Variants in PLPPR3 observed in about 807,000 individuals in gnomAD.
PLPPR3 encodes phospholipid phosphatase related 3.
In PLPPR3, 14 loss-of-function variants were observed where a neutral mutation model predicts 27.3. That is an observed-to-expected ratio of 0.51 (90% CI 0.34 to 0.80). The LOEUF (loss-of-function observed/expected upper bound fraction) is 0.80, where lower values mean the gene tolerates loss of function less well. PLPPR3 is among the 30% of genes least tolerant of loss of function. PLPPR3 has a pLI of 0.01. For missense variants in PLPPR3, 1,287 were observed against 1,056.9 expected (o/e 1.22, Z -3.02); for synonymous variants, 671 against 508.0 (o/e 1.32, Z -4.32).
In PLPPR3 at chr19:813,432, A is replaced by G. The variant is rs1397027143; in HGVS notation, c.1295T>C (p.Leu432Pro). Residue 432 changes from leucine (L) to proline (P), a missense_variant, in exon 8 of 8, where the codon CTG (leucine) becomes CCG (proline). Leu to Pro is a moderately conservative substitution (Grantham distance 98, BLOSUM62 -3). Coordinates refer to ENST00000520876, the MANE Select transcript of PLPPR3 (RefSeq NM_001270366.2). The surrounding 1 kb of genome is among the most constrained non-coding windows in gnomAD (Gnocchi z 4.1). Reference protein sequence around the residue: ...GLPDDASPGHLRAPAEPMAEE... With the variant: ...GLPDDASPGHPRAPAEPMAEE... ...CGCCATGGGTTCGGCGGGCGCGCGC[A>G]GGTGCCCGGGGCTGGCGTCGTCGGG... is the stretch of plus-strand genomic sequence containing the variant. 2 of 1,512,622 alleles carry G rather than the reference A, an allele frequency of 1.3e-6. No individual in the cohort carries two copies. The highest frequency in any genetic ancestry group is 4.4e-5 in the Admixed American group (2 of 45,716). 93.7% of individuals were successfully genotyped at this position (1,512,622 alleles called of 1,614,324 possible). A position where few individuals can be genotyped will look rare whatever the true frequency, so the allele number is the denominator to read the frequency against.
rs752141300 is a variant in PLPPR3 at position 815,171 on chromosome 19, C to T, written c.403+15G>A. On this transcript the variant is annotated intron_variant, in intron 4 of 7. Transcript: ENST00000520876. ...GTGGAGGTAGCTCAGGGTCGGGGCG[C>T]GTCCCGCAACTCACCCACAAACCGC... The T allele has an allele frequency of 1.8e-4, 286 of 1,602,244 alleles. 1 individual carries two copies. Among genetic ancestry groups the T allele is most frequent in the Middle Eastern group, 1.6e-4 (1 of 6,080 alleles).
At chr19:817,947 G>C (rs1483700830) in intron 2 of PLPPR3, among the ~76,000 whole-genome samples, 1 of 152,194 alleles carries the variant, frequency 6.6e-6, no homozygotes, top group Non-Finnish European at 1.5e-5. Context: ...CTCAGGTGGA[G>C]ATGAGTCAAT....
intron 2 of PLPPR3, among the ~76,000 whole-genome samples, chr19:819,690 C>T (rs1278046551): frequency 1.3e-5 from 2 of 152,044 alleles, no homozygotes; most frequent in South Asian, 2.1e-4. Flanking sequence ...CCCACTTGCC[C>T]GGGTGTGAGG....
chr19:819,720 C>T (rs766809015), intron 2 of PLPPR3, among the ~76,000 whole-genome samples: 5 of 152,182 alleles, frequency 3.3e-5, no homozygotes, highest in African/African-American at 7.2e-5. Context: ...ACAGGCCAGC[C>T]GCTGGCCGTG....
rs1427722642 is a variant in PLPPR3, at chr19:815,047, C to T, written c.438G>A (p.Leu146=). The change falls in exon 5 of 8, where the codon CTG becomes CTA. Residue 146 remains leucine, a synonymous_variant. Coordinates refer to ENST00000520876, the MANE Select transcript of PLPPR3 (RefSeq NM_001270366.2). The part of the protein sequence containing the change: ...VHVFGLCATA[L]VTDVIQLATG... Reference sequence around the variant, plus strand: ...TGGCCAGCTGGATCACGTCCGTCACCAGGGCTGTGGCACACAGGCCGAACA... The same window carrying T: ...TGGCCAGCTGGATCACGTCCGTCACTAGGGCTGTGGCACACAGGCCGAACA... 3 of 1,608,444 alleles carry T rather than the reference C, an allele frequency of 1.9e-6. No individual in the cohort carries two copies. The highest frequency in any genetic ancestry group is 2.5e-6 in the Non-Finnish European group (3 of 1,179,908).
intron 7 of PLPPR3, 74 bp downstream of exon 7, chr19:814,360 C>G: frequency 1.4e-6 from 2 of 1,438,680 alleles, no homozygotes; most frequent in South Asian, 2.7e-5. Flanking sequence ...CACTCAGGCC[C>G]TGTGGGCACT....
Position 814,513 on chromosome 19 carries a change from G to A in PLPPR3, c.752C>T (p.Thr251Met), listed in dbSNP as rs780246897. ...FAIAAGVCGL[T>M]QITQYRSHPV... ...GTGGCTGCGGTACTGCGTGATCTGC[G>A]TGAGCCCGCATACGCCCGCGGCGAT... Residue 251 changes from threonine to methionine, a missense_variant, in exon 7 of 8, where the codon ACG (threonine) becomes ATG (methionine). By Grantham distance (81) the Thr-to-Met change is moderately conservative. Transcript: ENST00000520876. 1.2e-6 allele frequency: 2 copies of A among 1,611,298 alleles called. No individual in the cohort carries two copies. Among genetic ancestry groups the A allele is most frequent in the South Asian group, 1.1e-5 (1 of 91,076 alleles).
rs537835428 is a variant in PLPPR3 at position 813,755 on chromosome 19, G to A, written c.972C>T (p.Asp324=). 89 of 1,527,144 alleles carry A rather than the reference G, an allele frequency of 5.8e-5. No individual in the cohort carries two copies. The African/African-American group carries it at 7.0e-4, about 12-fold the overall frequency. The allele number at this position is 1,527,144 out of a possible 1,614,324, so 94.6% of individuals were successfully genotyped here. A position where few individuals can be genotyped will look rare whatever the true frequency, so the allele number is the denominator to read the frequency against. Residue 324 remains aspartate (D), a synonymous_variant, in exon 8 of 8, where the codon GAC becomes GAT. Transcript: ENST00000520876. This position sits in a 1 kb window ranked among gnomAD's most constrained non-coding sequence, Gnocchi z 4.1. ...CCAGCCGCCCTGGGGGCCCCAGCTCGTCGGTGCTCACCGACTTATTCTGCT... is the reference window on the plus strand; with the variant it reads ...CCAGCCGCCCTGGGGGCCCCAGCTCATCGGTGCTCACCGACTTATTCTGCT... ...VYQQNKSVST[D]ELGPPGRLEG...
In PLPPR3 at chr19:821,602, G is replaced by C; in HGVS notation, c.-26-17C>G. 7.0e-7 allele frequency: 1 copy of C among 1,419,680 alleles called. No homozygotes were observed. The highest frequency in any genetic ancestry group is 9.4e-7 in the Non-Finnish European group (1 of 1,065,064). The allele number at this position is 1,419,680 out of a possible 1,614,324, so 87.9% of individuals were successfully genotyped here. A position where few individuals can be genotyped will look rare whatever the true frequency, so the allele number is the denominator to read the frequency against. ...AGGCCGTGGCTGGAGGGGAGAAAGC[G>C]GCGCTGGAGGGGGGCGCGCAGGCGG... On this transcript the variant is annotated splice_polypyrimidine_tract_variant and intron_variant, in intron 1 of 7. Coordinates refer to ENST00000520876, the MANE Select transcript of PLPPR3 (RefSeq NM_001270366.2).
chr19:818,259 T>C (rs1296073057), intron 2 of PLPPR3, among the ~76,000 whole-genome samples: 1 of 151,970 alleles, frequency 6.6e-6, no homozygotes, highest in East Asian at 1.9e-4. Flanking sequence ...GGTGCGTGCC[T>C]GTAGTCTCAG....
At chr19:819,349 C>T (rs1349979193) in intron 2 of PLPPR3, among the ~76,000 whole-genome samples, 3 of 148,612 alleles carry the variant, frequency 2.0e-5, no homozygotes, top group Non-Finnish European at 3.0e-5. Flanking sequence ...GGCGCGATCT[C>T]GGCTAACTGC....
chr19:815,081 C>A lies in PLPPR3; in HGVS notation c.404G>T (p.Gly135Val). The change falls in exon 5 of 8, where the codon GGT becomes GTT. Residue 135 changes from glycine to valine, a missense_variant and splice_region_variant. Transcript: ENST00000520876. ...SFLRRTVRFVGVHVFGLCATA... is the reference protein window; with the variant it reads ...SFLRRTVRFVVVHVFGLCATA... ...GGCACACAGGCCGAACACGTGGACA[C>A]CTGCAGGGCGGAAGGCTCGGCCAGG... 1 of 1,605,092 alleles carries A rather than the reference C, an allele frequency of 6.2e-7. No individual in the cohort carries two copies. The highest frequency in any genetic ancestry group is 8.5e-7 in the Non-Finnish European group (1 of 1,179,816).
chr19:821,583 T>C lies in PLPPR3; in HGVS notation c.-24A>G. On this transcript the variant is annotated splice_region_variant and 5_prime_UTR_variant, in exon 2 of 8. Coordinates refer to ENST00000520876, the MANE Select transcript of PLPPR3 (RefSeq NM_001270366.2). ...ATGGTGCCGCGGGCGCCGCAGGCCG[T>C]GGCTGGAGGGGAGAAAGCGGCGCTG... 7.3e-7 allele frequency: 1 copy of C among 1,375,476 alleles called. No homozygotes were observed. The highest frequency in any genetic ancestry group is 1.3e-5 in the South Asian group (1 of 75,104). The allele number at this position is 1,375,476 out of a possible 1,614,324, so 85.2% of individuals were successfully genotyped here.
upstream of PLPPR3, among the ~76,000 whole-genome samples, chr19:823,529 G>GGGCGA (rs1433309945): frequency 3.4e-3 from 512 of 152,028 alleles, 1 homozygote; most frequent in Middle Eastern, 0.014. Flanking sequence ...AGGCACTGCT[G>GGGCGA]CCCCCGGGAA....
chr19:813,392 C>CTCT lies in PLPPR3; in HGVS notation c.1332_1334dup (p.Glu447dup). 1 of 1,501,886 alleles carries CTCT rather than the reference C, an allele frequency of 6.7e-7. No homozygotes were observed. Among genetic ancestry groups the CTCT allele is most frequent in the East Asian group, 2.5e-5 (1 of 39,664 alleles). The allele number at this position is 1,501,886 out of a possible 1,614,324, so 93.0% of individuals were successfully genotyped here. On this transcript the variant is annotated inframe_insertion, in exon 8 of 8. Transcript: ENST00000520876. This position sits in a 1 kb window ranked among gnomAD's most constrained non-coding sequence, Gnocchi z 4.1. ...CCTCCTCTTCCTCTTCGTCCTCCTC[C>CTCT]TCTTCCTCCTCCTCCGCCATGGGTT...
rs749622145 is a variant in PLPPR3 at position 814,572 on chromosome 19, C to T, written c.693G>A (p.Lys231=). ...YFNSVISDTT[K]LLKPILVFAF... is the part of the protein sequence containing the mutation. ...CGAAGACCAGGATGGGCTTCAGCAG[C>T]TTGGTGGTGTCCGAGATGACCGAGT... The change falls in exon 7 of 8, where the codon AAG becomes AAA. Residue 231 remains lysine, a synonymous_variant. Coordinates refer to ENST00000520876, the MANE Select transcript of PLPPR3 (RefSeq NM_001270366.2). The T allele has an allele frequency of 7.4e-6, 12 of 1,612,264 alleles. No homozygotes were observed. Among genetic ancestry groups the T allele is most frequent in the Non-Finnish European group, 1.0e-5 (12 of 1,179,978 alleles).
chr19:821,350 G>A (rs1316630749), intron 2 of PLPPR3, 135 bp downstream of exon 2: 4 of 502,652 alleles, frequency 8.0e-6, no homozygotes, highest in South Asian at 3.8e-5. Flanking sequence ...CCCATCCGCC[G>A]GACACCCCGG....
chr19:821,837 T>C, intron 1 of PLPPR3, 78 bp downstream of exon 1: 1 of 274,830 alleles, frequency 3.6e-6, no homozygotes, highest in Non-Finnish European at 6.6e-6. Flanking sequence ...CGCGTGGTGG[T>C]GGGGGGCATC....
chr19:819,215 G>C lies in PLPPR3; in HGVS notation c.75+2270C>G, dbSNP rs1294875187. ...TGGTCTCAAACTCCTGACCTCAGGT[G>C]ATCTGCCCGTCCCGGCCTCCCAAAG... On this transcript the variant is annotated intron_variant, in intron 2 of 7. Coordinates refer to ENST00000520876, the MANE Select transcript of PLPPR3 (RefSeq NM_001270366.2). 1.1e-4 allele frequency among the ~76,000 whole-genome samples: 12 copies of C among 105,136 alleles called. 3 individuals carry two copies. The highest frequency in any genetic ancestry group is 1.8e-4 in the Non-Finnish European group (10 of 54,704). 69.0% of individuals were successfully genotyped at this position (105,136 alleles called of 152,430 possible). A position where few individuals can be genotyped will look rare whatever the true frequency, so the allele number is the denominator to read the frequency against.
Sources: allele counts gnomAD v4.1 joint callset (sites outside exome capture counted in the v4.1 genomes callset), GRCh38; gene constraint gnomAD v4.1.1; non-coding constraint Gnocchi (gnomAD v3.1); transcripts MANE v1.5; gene names NCBI Gene and HGNC (gene_info 2026-07-23, HGNC 2026-07-21).